QRFPR: variants seen among roughly 807,000 people sequenced by gnomAD.
QRFPR encodes the protein pyroglutamylated RFamide peptide receptor.
Under a neutral mutation model 31.3 loss-of-function variants are expected in QRFPR, and 37 were observed. The observed-to-expected ratio is 1.18, with a 90% CI of 0.91 to 1.56. The LOEUF is 1.56. Among genes scored for constraint, QRFPR ranks in the 40% most tolerant of loss-of-function variants. The probability of loss-of-function intolerance (pLI) is 0.00; values close to 1 mark genes in which losing one functional copy is unlikely to be tolerated. For synonymous variants in QRFPR, 197 were observed against 192.0 expected, an observed-to-expected ratio of 1.03 and a Z score of -0.22; for missense variants, 542 against 532.5, an observed-to-expected ratio of 1.02 and a Z score of -0.18.
intron 1 of QRFPR, chr4:121,369,762 A>T (rs1726197022): frequency 6.3e-7 from 1 of 1,599,634 alleles, no homozygotes; most frequent in Non-Finnish European, 8.6e-7. Flanking sequence ...GCTGTGGAAG[A>T]ACCAGAAGTG....
intron 2 of QRFPR, chr4:121,340,247 A>G: frequency 1.7e-6 from 1 of 579,726 alleles, no homozygotes; most frequent in South Asian, 2.1e-5. Context: ...TATACCCAAA[A>G]TGATACATTT....
At chr4:121,331,345 A>C (rs532299422) in intron 4 of QRFPR, among the ~76,000 whole-genome samples, 17 of 151,356 alleles carry the variant, frequency 1.1e-4, no homozygotes, top group African/African-American at 3.9e-4. Context: ...CACTACACCC[A>C]GCTAATTTTT....
chr4:121,380,244 A>AGG, intron 1 of QRFPR, 64 bp downstream of exon 1: 2 of 1,078,898 alleles, frequency 1.9e-6, no homozygotes, highest in Admixed American at 1.9e-5. Flanking sequence ...AGAGAGAGAG[A>AGG]GAGATCCCCT....
chr4:121,348,968 G>C (rs1725713414), intron 1 of QRFPR, among the ~76,000 whole-genome samples: 1 of 152,064 alleles, frequency 6.6e-6, no homozygotes, highest in Non-Finnish European at 1.5e-5. Context: ...GTGGTGGCAG[G>C]GGACTGTAGT....
intron 1 of QRFPR, among the ~76,000 whole-genome samples, chr4:121,349,099 C>CA (rs973325347): frequency 6.9e-6 from 1 of 144,368 alleles, no homozygotes; most frequent in African/African-American, 2.5e-5. Context: ...GACTCCATCT[C>CA]AAAAAAATAA....
intron 1 of QRFPR, among the ~76,000 whole-genome samples, chr4:121,355,787 A>T (rs912335494): frequency 2.2e-4 from 33 of 151,876 alleles, no homozygotes; most frequent in South Asian, 6.2e-4. Flanking sequence ...AAGAAATTTT[A>T]AAAAAAACTT....
intron 1 of QRFPR, among the ~76,000 whole-genome samples, chr4:121,352,178 T>A (rs1177357573): frequency 6.6e-6 from 1 of 152,118 alleles, no homozygotes; most frequent in African/African-American, 2.4e-5. Flanking sequence ...GAGTTAAAAA[T>A]TCAATTCAAC....
chr4:121,337,621 A>C (rs565055534), intron 2 of QRFPR, among the ~76,000 whole-genome samples: 19 of 152,134 alleles, frequency 1.2e-4, no homozygotes, highest in Non-Finnish European at 1.2e-4. Flanking sequence ...TTTAAAATCA[A>C]ATGTACATTT....
chr4:121,344,334 T>G (rs1178273516), intron 1 of QRFPR, among the ~76,000 whole-genome samples: 1 of 152,216 alleles, frequency 6.6e-6, no homozygotes, highest in Non-Finnish European at 1.5e-5. Flanking sequence ...TGTGGCAGTT[T>G]TCTTGTCTAC....
chr4:121,380,202 AGAGAGAGAGAG>A lies in QRFPR; in HGVS notation c.340+95_340+105del, dbSNP rs1560749213. On this transcript the variant is annotated intron_variant, in intron 1 of 5. Coordinates refer to ENST00000394427, the MANE Select transcript of QRFPR (RefSeq NM_198179.3). ...GACGAGAGAGGAGAGAGAGAGAGAG[AGAGAGAGAGAG>A]AGAGAGAGAGAGAGAGAGAGAGAGA... 3.0e-5 allele frequency: 6 copies of A among 198,020 alleles called. No homozygotes were observed. In the African/African-American group the frequency reaches 3.4e-4, roughly 11 times the overall value. The allele number at this position is 198,020 out of a possible 1,614,324, so 12.3% of individuals were successfully genotyped here. A position where few individuals can be genotyped will look rare whatever the true frequency, so the allele number is the denominator to read the frequency against.
In QRFPR at chr4:121,380,701, C is replaced by T; in HGVS notation, c.-54G>A. On this transcript the variant is annotated 5_prime_UTR_variant, in exon 1 of 6. It removes an upstream start codon present in the reference 5' UTR. Coordinates refer to ENST00000394427, the MANE Select transcript of QRFPR (RefSeq NM_198179.3). ...CCGCCCGCTACTGGCTGGCCATCCG[C>T]ATCTGCGGGGCAGCGAGGGCTTCGG... The T allele has an allele frequency of 6.9e-7, 1 of 1,446,196 alleles. No homozygotes were observed. The highest frequency in any genetic ancestry group is 9.2e-7 in the Non-Finnish European group (1 of 1,088,716). 89.6% of individuals were successfully genotyped at this position (1,446,196 alleles called of 1,614,324 possible).
intron 1 of QRFPR, among the ~76,000 whole-genome samples, chr4:121,375,814 G>A (rs1726341112): frequency 6.6e-6 from 1 of 152,160 alleles, no homozygotes; most frequent in Non-Finnish European, 1.5e-5. Context: ...GGACATAAAG[G>A]AAACAAAGAG....
chr4:121,369,504 C>T (rs1323762835), intron 1 of QRFPR: 10 of 1,435,362 alleles, frequency 7.0e-6, no homozygotes, highest in Middle Eastern at 1.8e-4. Flanking sequence ...TGTTTCCTCC[C>T]TTCCGTCACT....
At chr4:121,362,727 C>T (rs545458591) in intron 1 of QRFPR, among the ~76,000 whole-genome samples, 1 of 149,814 alleles carries the variant, frequency 6.7e-6, no homozygotes, top group East Asian at 2.0e-4. Flanking sequence ...GAAAAGATAG[C>T]CTTTTCAACA....
Position 121,340,343 on chromosome 4 carries a change from A to G in QRFPR, c.499+109T>C, listed in dbSNP as rs767266335. 6 of 1,175,022 alleles carry G rather than the reference A, an allele frequency of 5.1e-6. No individual in the cohort carries two copies. The Admixed American group carries it at 1.2e-4, about 23-fold the overall frequency. 72.8% of individuals were successfully genotyped at this position (1,175,022 alleles called of 1,614,324 possible). ...ACTGAAACTCTCAAATTATATTCCA[A>G]TGCCTACAAGTTAGATAAGAAGCTA... On this transcript the variant is annotated intron_variant, in intron 2 of 5. Transcript: ENST00000394427.
At chr4:121,349,249 A>T (rs894482326) in intron 1 of QRFPR, among the ~76,000 whole-genome samples, 10 of 152,010 alleles carry the variant, frequency 6.6e-5, no homozygotes, top group African/African-American at 2.4e-4. Context: ...CTTTTTCCAT[A>T]GCCCTGTGTG....
intron 1 of QRFPR, among the ~76,000 whole-genome samples, chr4:121,346,187 G>T (rs1725645249): frequency 6.6e-6 from 1 of 152,132 alleles, no homozygotes; most frequent in African/African-American, 2.4e-5. Flanking sequence ...AAAACAATCT[G>T]GCATGTAATT....
chr4:121,367,736 C>G (rs1409473563), intron 1 of QRFPR, among the ~76,000 whole-genome samples: 1 of 150,076 alleles, frequency 6.7e-6, no homozygotes, highest in East Asian at 2.0e-4. Flanking sequence ...GGTGCCTGGT[C>G]CTTTTGACAC....
intron 1 of QRFPR, among the ~76,000 whole-genome samples, chr4:121,379,778 A>G (rs1454199916): frequency 2.0e-5 from 3 of 152,202 alleles, no homozygotes; most frequent in African/African-American, 7.2e-5. Flanking sequence ...TATTTGTTTT[A>G]TGCTCATAGG....
Sources: gnomAD v4.1 joint callset for allele counts (sites outside exome capture counted in the v4.1 genomes callset) on GRCh38, gnomAD v4.1.1 for gene constraint, MANE v1.5 for transcripts, NCBI Gene and HGNC (gene_info 2026-07-23, HGNC 2026-07-21) for gene names.